INTS6L: variants seen among roughly 807,000 people sequenced by gnomAD.
INTS6L encodes integrator complex subunit 6-like.
Under a neutral mutation model 64.7 loss-of-function variants are expected in INTS6L, and 18 were observed. That is an observed-to-expected ratio of 0.28 (90% CI 0.19 to 0.41). INTS6L has a LOEUF of 0.41. Among genes scored for constraint, INTS6L ranks in the 10% least tolerant of loss-of-function variants. The pLI, the probability that INTS6L is intolerant of heterozygous loss-of-function variation, is 1.00. For missense variants in INTS6L, 533 were observed against 661.0 expected, an observed-to-expected ratio of 0.81 and a Z score of 2.12; for synonymous variants, 227 against 235.9, an observed-to-expected ratio of 0.96 and a Z score of 0.34.
intron 3 of INTS6L, among the ~76,000 whole-genome samples, chrX:135,546,076 G>A (rs2086346625): frequency 8.9e-6 from 1 of 112,100 alleles, no homozygotes; most frequent in Admixed American, 9.4e-5. Context: ...GAGAGTGGAT[G>A]ATAATGCCAG....
chrX:135,547,038 T>C lies in INTS6L; in HGVS notation c.614-99T>C. 12 of 1,127,360 alleles carry C rather than the reference T, an allele frequency of 1.1e-5. 1 individual carries two copies. The highest frequency in any genetic ancestry group is 1.4e-5 in the Non-Finnish European group (12 of 835,424). The allele number at this position is 1,127,360 out of a possible 1,213,427, so 92.9% of individuals were successfully genotyped here. On this transcript the variant is annotated intron_variant, in intron 5 of 17. Transcript: ENST00000639893. The stretch of plus-strand genomic sequence containing the variant: ...ATTGGTATATTTGCTGCCAATGTAG[T>C]TATGATTATTTCAAGTTATATTTTA...
chrX:135,533,438 A>G (rs1014911120), intron 2 of INTS6L, among the ~76,000 whole-genome samples: 7 of 111,791 alleles, frequency 6.3e-5, no homozygotes, highest in African/African-American at 2.3e-4. Context: ...TACATGTGCA[A>G]AATGTGCAGG....
At chrX:135,525,977 GGA>G (rs1431574155) in intron 2 of INTS6L, among the ~76,000 whole-genome samples, 1 of 111,995 alleles carries the variant, frequency 8.9e-6, no homozygotes, top group Non-Finnish European at 1.9e-5. Flanking sequence ...AATAAGAAAA[GGA>G]GAGAGTCAAC....
At chrX:135,556,827 G>A (rs2086658285) in intron 9 of INTS6L, among the ~76,000 whole-genome samples, 1 of 112,062 alleles carries the variant, frequency 8.9e-6, no homozygotes, top group Non-Finnish European at 1.9e-5. Context: ...ATGAAAATGT[G>A]TGTGGAGATA....
intron 9 of INTS6L, among the ~76,000 whole-genome samples, chrX:135,564,616 C>A (rs2086884090): frequency 9.2e-6 from 1 of 109,090 alleles, no homozygotes; most frequent in Admixed American, 9.8e-5. Context: ...CCTGTAATTC[C>A]CACTACTCGG....
chrX:135,549,433 G>T (rs1556516293), intron 6 of INTS6L, among the ~76,000 whole-genome samples: 1 of 112,224 alleles, frequency 8.9e-6, no homozygotes, highest in African/African-American at 3.2e-5. Flanking sequence ...GTGGGTGTTG[G>T]GTTAGAAGAG....
At chrX:135,569,599 TG>T (rs1291110986) in intron 10 of INTS6L, 168 bp downstream of exon 10, 5 of 292,625 alleles carry the variant, frequency 1.7e-5, no homozygotes, top group Non-Finnish European at 2.4e-5. Flanking sequence ...AGTTTGGAGA[TG>T]TCATGGCGGC....
At position 135,580,081 on chromosome X, in the gene INTS6L, C is replaced by A. The variant is rs782140887; in HGVS notation, c.2413C>A (p.Gln805Lys). The change falls in exon 16 of 18, where the codon CAA becomes AAA. Residue 805 changes from glutamine (Q) to lysine (K), a missense_variant. By Grantham distance (53) the Gln-to-Lys change is moderately conservative (BLOSUM62 1). Transcript: ENST00000639893. ...TTTGGGAGCTATGCCAAATACATTA[C>A]AAATCACTCCTGCTATGGCACAAGG... ...STLGAMPNTL[Q>K]ITPAMAQGIN... 4.1e-6 allele frequency: 5 copies of A among 1,208,405 alleles called. No homozygotes were observed. In the East Asian group the frequency reaches 8.9e-5, roughly 21 times the overall value.
At chrX:135,574,277 C>T (rs1220615471) in intron 13 of INTS6L, among the ~76,000 whole-genome samples, 2 of 110,228 alleles carry the variant, frequency 1.8e-5, no homozygotes, top group Non-Finnish European at 3.8e-5. Flanking sequence ...ACTACACTTG[C>T]CATGCTTTAG....
chrX:135,548,892 G>A lies in INTS6L; in HGVS notation c.743-750G>A, dbSNP rs782646205. 8.0e-5 allele frequency among the ~76,000 whole-genome samples: 9 copies of A among 111,869 alleles called. No homozygotes were observed. The South Asian group carries it at 3.3e-3, about 42-fold the overall frequency. ...TGCCTTGCCCTGATTTGAGGCGGGGGGAGAAGGAGGAAGGAAATGAAATAT... is the reference window on the plus strand; with the variant it reads ...TGCCTTGCCCTGATTTGAGGCGGGGAGAGAAGGAGGAAGGAAATGAAATAT... On this transcript the variant is annotated intron_variant, in intron 6 of 17. Transcript: ENST00000639893.
intron 9 of INTS6L, among the ~76,000 whole-genome samples, chrX:135,557,813 G>A: frequency 8.9e-6 from 1 of 112,155 alleles, no homozygotes; most frequent in East Asian, 2.8e-4. Flanking sequence ...AACCTTAAAA[G>A]CTTGTGCATC....
At chrX:135,576,620 G>T (rs868935113) in intron 14 of INTS6L, among the ~76,000 whole-genome samples, 2 of 110,902 alleles carry the variant, frequency 1.8e-5, no homozygotes, top group African/African-American at 6.6e-5. Flanking sequence ...AGAGTGAAAA[G>T]CCTCCTCACT....
At chrX:135,563,619 A>ATGTGTG (rs1186644920) in intron 9 of INTS6L, among the ~76,000 whole-genome samples, 14 of 12,267 alleles carry the variant, frequency 1.1e-3, no homozygotes, top group African/African-American at 2.0e-3. Flanking sequence ...ATATATCCAT[A>ATGTGTG]TGTGTGTGTG....
chrX:135,554,691 G>A (rs1256607872), intron 8 of INTS6L, among the ~76,000 whole-genome samples: 1 of 109,986 alleles, frequency 9.1e-6, no homozygotes, highest in African/African-American at 3.3e-5. Flanking sequence ...TATATTGGTG[G>A]TTTGGACCAA....
At chrX:135,548,839 A>G (rs908851241) in intron 6 of INTS6L, among the ~76,000 whole-genome samples, 2 of 112,390 alleles carry the variant, frequency 1.8e-5, no homozygotes, top group African/African-American at 6.5e-5. Context: ...TCTTTTACAA[A>G]TATTATCATT....
chrX:135,563,688 T>C (rs2086858396), intron 9 of INTS6L, among the ~76,000 whole-genome samples: 1 of 101,163 alleles, frequency 9.9e-6, no homozygotes, highest in Non-Finnish European at 2.0e-5. Context: ...TATAGCTAGG[T>C]ATAGAATTCT....
intron 2 of INTS6L, among the ~76,000 whole-genome samples, chrX:135,532,564 A>G (rs1234280292): frequency 3.6e-5 from 4 of 112,247 alleles, no homozygotes; most frequent in African/African-American, 1.3e-4. Flanking sequence ...CTGGAAGGCA[A>G]GAGATCCATG....
chrX:135,556,585 T>A (rs1556519403), intron 9 of INTS6L, among the ~76,000 whole-genome samples: 2 of 111,833 alleles, frequency 1.8e-5, no homozygotes, highest in African/African-American at 6.5e-5. Flanking sequence ...GGCTTTTTTG[T>A]ATAGTTTGGG....
chrX:135,549,903 G>A (rs2086454557), intron 7 of INTS6L, 98 bp downstream of exon 7: 3 of 957,690 alleles, frequency 3.1e-6, no homozygotes, highest in African/African-American at 3.9e-5. Context: ...TTTATGCCAT[G>A]CCACAGGCAA....
Sources: gnomAD v4.1 joint callset for allele counts (sites outside exome capture counted in the v4.1 genomes callset) on GRCh38, gnomAD v4.1.1 for gene constraint, MANE v1.5 for transcripts, NCBI Gene and HGNC (gene_info 2026-07-23, HGNC 2026-07-21) for gene names.